Variants in TNKS observed in about 807,000 individuals in gnomAD.
TNKS encodes the protein tankyrase, also known as poly [ADP-ribose] polymerase tankyrase-1.
TNKS carries 72 observed loss-of-function variants against 135.8 expected under a neutral mutation model. The ratio of observed to expected loss-of-function variants is 0.53; its 90% CI spans 0.44 to 0.64. The LOEUF is 0.64. Ranked by LOEUF, TNKS falls within the 30% of genes least tolerant of loss-of-function variation. The pLI is 0.00. For synonymous variants in TNKS, 849 were observed against 649.3 expected, an observed-to-expected ratio of 1.31 and a Z score of -4.68; for missense variants, 1,769 against 1,674.0, an observed-to-expected ratio of 1.06 and a Z score of -0.99.
intron 17 of TNKS, 24 bp from the exon 18 acceptor site, chr8:9,748,000 T>C (rs747146887): frequency 2.5e-6 from 4 of 1,589,190 alleles, no homozygotes; most frequent in Non-Finnish European, 3.4e-6. Flanking sequence ...TCTTAACTCT[T>C]TGTATCCTTT....
chr8:9,620,914 C>T (rs1799843711), intron 3 of TNKS, among the ~76,000 whole-genome samples: 1 of 152,154 alleles, frequency 6.6e-6, no homozygotes, highest in Non-Finnish European at 1.5e-5. Flanking sequence ...GTCTTGTTTA[C>T]TTCTTTATCC....
intron 11 of TNKS, among the ~76,000 whole-genome samples, chr8:9,718,923 C>T (rs1804734782): frequency 6.6e-6 from 1 of 152,062 alleles, no homozygotes; most frequent in Non-Finnish European, 1.5e-5. Flanking sequence ...TTGGGAGTTC[C>T]CATTACTATA....
At chr8:9,667,495 C>T (rs978669109) in intron 3 of TNKS, among the ~76,000 whole-genome samples, 1 of 152,228 alleles carries the variant, frequency 6.6e-6, no homozygotes, top group African/African-American at 2.4e-5. Context: ...ACCTCTGCAT[C>T]TTATAACCAT....
At chr8:9,753,281 T>C (rs1237413039) in intron 20 of TNKS, among the ~76,000 whole-genome samples, 10 of 152,230 alleles carry the variant, frequency 6.6e-5, no homozygotes, top group Admixed American at 6.5e-4. Flanking sequence ...TTCATGTGAC[T>C]AGGCTCCTGA....
At chr8:9,597,639 G>A (rs1158450606) in intron 2 of TNKS, among the ~76,000 whole-genome samples, 15 of 152,004 alleles carry the variant, frequency 9.9e-5, no homozygotes, top group Admixed American at 7.9e-4. Flanking sequence ...CAGGGGTATC[G>A]TGGTTTGCTG....
chr8:9,758,784 C>T (rs1806986709), intron 20 of TNKS, among the ~76,000 whole-genome samples: 1 of 152,218 alleles, frequency 6.6e-6, no homozygotes, highest in Admixed American at 6.5e-5. Context: ...TATTACTTAC[C>T]TGCTGCTGCT....
intron 17 of TNKS, chr8:9,743,447 A>G (rs1454471757): frequency 6.6e-6 from 1 of 152,064 alleles, no homozygotes; most frequent in Non-Finnish European, 1.5e-5. Context: ...ACTTTTTCTC[A>G]TCTTTGGTTT....
intron 3 of TNKS, among the ~76,000 whole-genome samples, chr8:9,656,437 G>C (rs924345608): frequency 6.6e-6 from 1 of 151,998 alleles, no homozygotes; most frequent in African/African-American, 2.4e-5. Context: ...ACACCTAATT[G>C]TCAAATTCAC....
rs113847590 is a variant in TNKS at position 9,556,621 on chromosome 8, CTT to C, written c.673+12_673+13del. 4.8e-4 allele frequency: 767 copies of C among 1,612,940 alleles called. 5 individuals are homozygous for C. The African/African-American group carries it at 7.6e-3, about 16-fold the overall frequency. ...CCTGCACTTCGCTGCAGGTCAGAGA[CTT>C]TTGAATTGTTTATTAAGGGTTATGG... On this transcript the variant is annotated intron_variant, in intron 1 of 26. Coordinates refer to ENST00000310430, the MANE Select transcript of TNKS (RefSeq NM_003747.3).
At chr8:9,629,035 A>T (rs1022030182) in intron 3 of TNKS, among the ~76,000 whole-genome samples, 3 of 152,108 alleles carry the variant, frequency 2.0e-5, no homozygotes, top group Admixed American at 6.5e-5. Flanking sequence ...TCTATTCCAA[A>T]TCCATTTTTC....
chr8:9,700,682 A>G (rs1803756111), intron 5 of TNKS, among the ~76,000 whole-genome samples: 1 of 151,726 alleles, frequency 6.6e-6, no homozygotes, highest in Non-Finnish European at 1.5e-5. Context: ...CTCACTAGCT[A>G]GATCAGTCAT....
chr8:9,716,515 C>G (rs1804606551), intron 11 of TNKS, among the ~76,000 whole-genome samples: 1 of 152,074 alleles, frequency 6.6e-6, no homozygotes, highest in African/African-American at 2.4e-5. Context: ...TATATTAATG[C>G]AAATGTGTTT....
intron 5 of TNKS, among the ~76,000 whole-genome samples, chr8:9,696,019 T>C (rs780894550): frequency 5.9e-5 from 9 of 152,184 alleles, no homozygotes; most frequent in Non-Finnish European, 1.3e-4. Context: ...GCAGTTGGAT[T>C]ATAGCATATG....
At chr8:9,756,785 C>T (rs1001419711) in intron 20 of TNKS, among the ~76,000 whole-genome samples, 2 of 152,078 alleles carry the variant, frequency 1.3e-5, no homozygotes, top group Non-Finnish European at 2.9e-5. Context: ...AAATACAGTT[C>T]TCCAGTTGCT....
At chr8:9,761,866 C>G (rs1807165900) in intron 21 of TNKS, among the ~76,000 whole-genome samples, 1 of 152,192 alleles carries the variant, frequency 6.6e-6, no homozygotes, top group African/African-American at 2.4e-5. Context: ...TCTGGAATCT[C>G]TGTACTTCTG....
At chr8:9,741,057 T>G (rs1477280636) in intron 17 of TNKS, 1 of 152,158 alleles carries the variant, frequency 6.6e-6, no homozygotes, top group African/African-American at 2.4e-5. Flanking sequence ...GTGATCCGCC[T>G]GCCTCGGCCT....
intron 3 of TNKS, 48 bp from the exon 4 acceptor site, chr8:9,679,903 T>C: frequency 1.3e-6 from 2 of 1,505,258 alleles, no homozygotes; most frequent in Non-Finnish European, 1.8e-6. Flanking sequence ...CATTTCTTAA[T>C]CTGTCTTCTG....
chr8:9,707,079 A>C, intron 8 of TNKS, 82 bp downstream of exon 8: 1 of 1,203,786 alleles, frequency 8.3e-7, no homozygotes, highest in Non-Finnish European at 1.1e-6. Flanking sequence ...TTAAATAATA[A>C]CCTTCCATTC....
At chr8:9,585,024 A>C (rs751832689) in intron 2 of TNKS, among the ~76,000 whole-genome samples, 1 of 152,180 alleles carries the variant, frequency 6.6e-6, no homozygotes, top group East Asian at 1.9e-4. Flanking sequence ...CAATCAGAAT[A>C]CATATCCAGG....
Sources: allele counts gnomAD v4.1 joint callset (sites outside exome capture counted in the v4.1 genomes callset), GRCh38; gene constraint gnomAD v4.1.1; transcripts MANE v1.5; gene names NCBI Gene and HGNC (gene_info 2026-07-23, HGNC 2026-07-21).